The following STX7 variants were observed in gnomAD, a reference collection of about 807,000 sequenced individuals.
STX7 encodes syntaxin-7.
STX7 carries 34 observed loss-of-function variants against 39.6 expected under a neutral mutation model. The observed-to-expected ratio is 0.86, with a 90% CI of 0.65 to 1.14. STX7 has a LOEUF of 1.14. Ranked by LOEUF, STX7 falls within the 50% of genes most tolerant of loss-of-function variation. The pLI, the probability that STX7 is intolerant of heterozygous loss-of-function variation, is 0.00. For missense variants in STX7, 284 were observed against 310.4 expected (o/e 0.92, Z 0.64); for synonymous variants, 119 against 99.1 (o/e 1.20, Z -1.19).
intron 2 of STX7, among the ~76,000 whole-genome samples, chr6:132,476,439 A>C (rs904691749): frequency 1.3e-5 from 2 of 152,184 alleles, no homozygotes; most frequent in African/African-American, 4.8e-5. Flanking sequence ...AAAGACGTCA[A>C]TGTCACAAAA....
At position 132,490,804 on chromosome 6, in the gene STX7, C is replaced by T. The variant is rs528338896; in HGVS notation, c.85+12642G>A. Among the ~76,000 whole-genome samples the T allele has an allele frequency of 1.4e-3, 218 of 152,160 alleles. 1 individual carries two copies. Among genetic ancestry groups the T allele is most frequent in the African/African-American group, 5.0e-3 (206 of 41,500 alleles). ...ACAGATTCAGGAGGCCATGGGCTGC[C>T]GACCCTACTCAAAAACCAGGTGGGG... On this transcript the variant is annotated intron_variant, in intron 2 of 9. Transcript: ENST00000367941.
rs965740613 is a variant in STX7 at position 132,470,718 on chromosome 6, T to G, written c.388-92A>C. The G allele has an allele frequency of 4.8e-5, 40 of 834,940 alleles. No individual in the cohort carries two copies. In the Admixed American group the frequency reaches 7.4e-4, roughly 16 times the overall value. The allele number at this position is 834,940 out of a possible 1,614,324, so 51.7% of individuals were successfully genotyped here. A position where few individuals can be genotyped will look rare whatever the true frequency, so the allele number is the denominator to read the frequency against. On this transcript the variant is annotated intron_variant, in intron 5 of 9. Transcript: ENST00000367941. ...ACTCATATTTTCCCTTATAATAAAC[T>G]AAACTGATTTATGTACGTGTCTGTG...
intron 2 of STX7, among the ~76,000 whole-genome samples, chr6:132,497,194 T>TA (rs1218932098): frequency 1.3e-5 from 2 of 151,952 alleles, no homozygotes; most frequent in Non-Finnish European, 2.9e-5. Flanking sequence ...CTACAACCAG[T>TA]AGAAAGAATA....
At chr6:132,481,046 T>G (rs148899746) in intron 2 of STX7, among the ~76,000 whole-genome samples, 1 of 152,230 alleles carries the variant, frequency 6.6e-6, no homozygotes, top group Non-Finnish European at 1.5e-5. Context: ...CCCCCTAAAT[T>G]TGGCATTGGC....
intron 1 of STX7, among the ~76,000 whole-genome samples, chr6:132,512,796 G>A (rs2114498187): frequency 6.6e-6 from 1 of 152,262 alleles, no homozygotes. Context: ...GGAACGCGCC[G>A]CGCCCTTGCA....
chr6:132,464,063 G>C lies in STX7; in HGVS notation c.623C>G (p.Ala208Gly), dbSNP rs1396711703. 6.2e-7 allele frequency: 1 copy of C among 1,613,638 alleles called. No homozygotes were observed. The stretch of plus-strand genomic sequence containing the variant: ...GTGCACCTCTGCATTTTCCACATTG[G>C]CTTCTATGCTATCTGTAAAATAAAA... ...EQGDVIDSIEANVENAEVHVQ... is the reference protein window; with the variant it reads ...EQGDVIDSIEGNVENAEVHVQ... Residue 208 changes from alanine to glycine, a missense_variant, in exon 9 of 10, where the codon GCC becomes GGC. Transcript: ENST00000367941.
chr6:132,457,170 T>G lies in STX7; in HGVS notation c.*3588A>C, dbSNP rs932121983. 1 of 152,306 alleles carries G rather than the reference T, an allele frequency of 6.6e-6. No individual in the cohort carries two copies. Among genetic ancestry groups the G allele is most frequent in the Non-Finnish European group, 1.5e-5 (1 of 68,060 alleles). The allele number at this position is 152,306 out of a possible 1,614,324, so 9.4% of individuals were successfully genotyped here. A position where few individuals can be genotyped will look rare whatever the true frequency, so the allele number is the denominator to read the frequency against. On this transcript the variant is annotated 3_prime_UTR_variant, in exon 10 of 10. Transcript: ENST00000367941. ...CTTCCTCACCCACCCTTTTGATGTC[T>G]AATTCCCTATGTTAAAACACTTTAC...
At chr6:132,505,750 A>AAAC (rs1554252667) in intron 1 of STX7, among the ~76,000 whole-genome samples, 2 of 148,264 alleles carry the variant, frequency 1.3e-5, no homozygotes, top group African/African-American at 2.5e-5. Context: ...AAAAAAAAAA[A>AAAC]AAAAAAAAAA....
chr6:132,446,303 T>C lies in STX7; in HGVS notation c.*14455A>G, dbSNP rs1339996958. The C allele has an allele frequency of 6.6e-6, 1 of 152,118 alleles. No homozygotes were observed. Among genetic ancestry groups the C allele is most frequent in the African/African-American group, 2.4e-5 (1 of 41,428 alleles). The allele number at this position is 152,118 out of a possible 1,614,324, so 9.4% of individuals were successfully genotyped here. A position where few individuals can be genotyped will look rare whatever the true frequency, so the allele number is the denominator to read the frequency against. The stretch of plus-strand genomic sequence containing the variant: ...CCAAGTACTTGGTCTGAACACAGAG[T>C]CACTTGTGTTTCTGAAGCCTCTCTG... On this transcript the variant is annotated 3_prime_UTR_variant, in exon 10 of 10. Coordinates refer to ENST00000367941, the MANE Select transcript of STX7 (RefSeq NM_003569.3).
chr6:132,503,058 T>C (rs1183042566), intron 2 of STX7, among the ~76,000 whole-genome samples: 2 of 152,222 alleles, frequency 1.3e-5, no homozygotes, highest in African/African-American at 4.8e-5. Flanking sequence ...TCAGATTTTA[T>C]TTTTAATAAA....
At chr6:132,462,242 G>C (rs1774425740) in intron 9 of STX7, among the ~76,000 whole-genome samples, 2 of 152,194 alleles carry the variant, frequency 1.3e-5, no homozygotes, top group South Asian at 2.1e-4. Flanking sequence ...CTTATTCTTA[G>C]GGTTCACCCA....
intron 2 of STX7, among the ~76,000 whole-genome samples, chr6:132,485,904 G>T (rs1243690248): frequency 6.6e-6 from 1 of 152,060 alleles, no homozygotes; most frequent in Non-Finnish European, 1.5e-5. Flanking sequence ...GCAATATTTT[G>T]TACTGTTCAG....
upstream of STX7, chr6:132,513,226 A>G (rs1197627309): frequency 6.6e-6 from 1 of 152,246 alleles, no homozygotes; most frequent in Non-Finnish European, 1.5e-5. Flanking sequence ...AAGCTAAGGA[A>G]TGGGGGTATC....
chr6:132,501,780 T>C (rs1031962021), intron 2 of STX7, among the ~76,000 whole-genome samples: 1 of 152,046 alleles, frequency 6.6e-6, no homozygotes, highest in Non-Finnish European at 1.5e-5. Context: ...TTTCCACATA[T>C]GTAATTAGAA....
At position 132,454,695 on chromosome 6, in the gene STX7, C is replaced by T. The variant is rs1205875053; in HGVS notation, c.*6063G>A. On this transcript the variant is annotated 3_prime_UTR_variant, in exon 10 of 10. Transcript: ENST00000367941. ...TAAATGACTAAGAAAAATGTTTGAC[C>T]ACAGATCAGGAAAAGACATAAGGAC... 6.6e-6 allele frequency: 1 copy of T among 151,660 alleles called. No homozygotes were observed. The highest frequency in any genetic ancestry group is 1.9e-4 in the East Asian group (1 of 5,178). The allele number at this position is 151,660 out of a possible 1,614,324, so 9.4% of individuals were successfully genotyped here. A position where few individuals can be genotyped will look rare whatever the true frequency, so the allele number is the denominator to read the frequency against.
At chr6:132,494,334 T>C (rs1775370428) in intron 2 of STX7, among the ~76,000 whole-genome samples, 1 of 152,120 alleles carries the variant, frequency 6.6e-6, no homozygotes, top group African/African-American at 2.4e-5. Flanking sequence ...AGCCAAGACA[T>C]GAGCCCTTTA....
At chr6:132,485,049 G>A (rs368346470) in intron 2 of STX7, among the ~76,000 whole-genome samples, 12 of 152,192 alleles carry the variant, frequency 7.9e-5, no homozygotes, top group East Asian at 5.8e-4. Context: ...CTGACAAAGC[G>A]CATAAACTAT....
chr6:132,467,613 C>T (rs542367224), intron 8 of STX7, among the ~76,000 whole-genome samples: 11 of 152,170 alleles, frequency 7.2e-5, no homozygotes, highest in South Asian at 4.2e-4. Context: ...CAACATATTT[C>T]GGATGATGAA....
At chr6:132,486,696 G>A (rs1428768436) in intron 2 of STX7, among the ~76,000 whole-genome samples, 3 of 115,882 alleles carry the variant, frequency 2.6e-5, no homozygotes, top group Admixed American at 1.1e-4. Flanking sequence ...ACAGAGTCTT[G>A]CTCTGTCATG....
Sources: gnomAD v4.1 joint callset for allele counts (sites outside exome capture counted in the v4.1 genomes callset) on GRCh38, gnomAD v4.1.1 for gene constraint, MANE v1.5 for transcripts, NCBI Gene and HGNC (gene_info 2026-07-23, HGNC 2026-07-21) for gene names.